Variants in MICAL3 observed in about 807,000 individuals in gnomAD.
MICAL3 encodes the protein [F-actin]-monooxygenase MICAL3.
A neutral mutation model predicts 207.4 loss-of-function variants in MICAL3; 62 were observed. The observed-to-expected ratio is 0.30, with a 90% CI of 0.24 to 0.37. MICAL3 has a LOEUF of 0.37. Among genes scored for constraint, MICAL3 ranks in the 10% least tolerant of loss-of-function variants. The pLI is 1.00. For synonymous variants in MICAL3, 1,077 were observed against 1,069.3 expected (o/e 1.01, Z -0.14); for missense variants, 2,368 against 2,635.6 (o/e 0.90, Z 2.22).
intron 16 of MICAL3, among the ~76,000 whole-genome samples, chr22:17,884,971 C>G (rs1211824273): frequency 1.3e-5 from 2 of 152,228 alleles, no homozygotes; most frequent in African/African-American, 4.8e-5. Context: ...AAGAGAAATT[C>G]AGAGAAGCAG....
chr22:17,864,621 C>G, intron 19 of MICAL3: 1 of 1,556,468 alleles, frequency 6.4e-7, no homozygotes, highest in Non-Finnish European at 8.6e-7. Context: ...AGGGACAGCA[C>G]TTCACGGCTC....
chr22:17,864,554 T>C (rs536464333), intron 19 of MICAL3: 8 of 1,446,292 alleles, frequency 5.5e-6, no homozygotes, highest in Non-Finnish European at 7.2e-6. Context: ...TGCGAGCTCC[T>C]GTCTACCTAC....
At chr22:17,843,466 C>A (rs1309129386) in intron 19 of MICAL3, among the ~76,000 whole-genome samples, 1 of 152,190 alleles carries the variant, frequency 6.6e-6, no homozygotes, top group South Asian at 2.1e-4. Context: ...AGATGCCTGG[C>A]TCCACCAGTA....
intron 19 of MICAL3, chr22:17,863,369 TC>T (rs1346752842): frequency 1.0e-6 from 1 of 985,262 alleles, no homozygotes; most frequent in African/African-American, 1.7e-5. Context: ...TGGTGCTCTC[TC>T]CAACTGAATG....
chr22:17,849,643 A>AGTGTGTGT (rs1569093907), intron 19 of MICAL3, among the ~76,000 whole-genome samples: 2 of 120,162 alleles, frequency 1.7e-5, no homozygotes, highest in African/African-American at 6.5e-5. Context: ...CCCAGAATGG[A>AGTGTGTGT]ATGTGTGTGT....
chr22:17,849,691 T>G (rs1354728194), intron 19 of MICAL3, among the ~76,000 whole-genome samples: 20 of 116,392 alleles, frequency 1.7e-4, no homozygotes, highest in Admixed American at 1.4e-3. Flanking sequence ...TGTGTGTATT[T>G]TTTTTTTTTT....
chr22:17,826,920 T>C (rs974912009), intron 22 of MICAL3, among the ~76,000 whole-genome samples: 2 of 152,202 alleles, frequency 1.3e-5, no homozygotes, highest in African/African-American at 2.4e-5. Flanking sequence ...CCCTTTTGTA[T>C]GCTCAGAGCC....
chr22:18,005,300 T>C lies in MICAL3; in HGVS notation c.-75+18981A>G, dbSNP rs1312268658. The C allele has an allele frequency of 2.0e-5, 3 of 152,102 alleles. No homozygotes were observed. The East Asian group carries it at 5.8e-4, about 29-fold the overall frequency. 9.4% of individuals were successfully genotyped at this position (152,102 alleles called of 1,614,324 possible). ...TAATATCATTTCAGTCTCAAAACAGTCATGTGAGGAGAGTTGGTAGAAGTC... is the reference window on the plus strand; with the variant it reads ...TAATATCATTTCAGTCTCAAAACAGCCATGTGAGGAGAGTTGGTAGAAGTC... On this transcript the variant is annotated intron_variant, in intron 1 of 31. Coordinates refer to ENST00000441493, the MANE Select transcript of MICAL3 (RefSeq NM_015241.3).
chr22:17,947,658 A>C (rs994936213), intron 1 of MICAL3, among the ~76,000 whole-genome samples: 12 of 152,280 alleles, frequency 7.9e-5, no homozygotes, highest in Non-Finnish European at 1.6e-4. Flanking sequence ...TTCTGAGCTC[A>C]AGTGATCCTC....
At chr22:17,976,563 A>ATG (rs1569154092) in intron 1 of MICAL3, among the ~76,000 whole-genome samples, 1 of 85,854 alleles carries the variant, frequency 1.2e-5, no homozygotes, top group Non-Finnish European at 2.0e-5. Flanking sequence ...GTGTGTGTGT[A>ATG]TATATATATA....
rs944175636 is a variant in MICAL3, at chr22:17,788,588, G to A, written c.*2144C>T. 5 of 152,244 alleles carry A rather than the reference G, an allele frequency of 3.3e-5. No homozygotes were observed. The highest frequency in any genetic ancestry group is 7.2e-5 in the African/African-American group (3 of 41,468). 9.4% of individuals were successfully genotyped at this position (152,244 alleles called of 1,614,324 possible). On this transcript the variant is annotated 3_prime_UTR_variant, in exon 32 of 32. Transcript: ENST00000441493. ...TTTCCCACGTCCAATTTTATGGGAC[G>A]ACTGGGGTTTGAAGATGGAATCTAG...
chr22:17,876,792 AGGGAAG>A lies in MICAL3; in HGVS notation c.2242-4775_2242-4770del, dbSNP rs1569109041. On this transcript the variant is annotated intron_variant, in intron 16 of 31. Coordinates refer to ENST00000441493, the MANE Select transcript of MICAL3 (RefSeq NM_015241.3). ...GGAAGTTATGGAGGTTAGGGAGGTT[AGGGAAG>A]TTATGGAGGTTAGGGAGGTTAGGGA... is the stretch of plus-strand genomic sequence containing the variant. 1.8e-4 allele frequency: 24 copies of A among 134,940 alleles called. 3 individuals carry two copies. The highest frequency in any genetic ancestry group is 4.5e-4 in the South Asian group (2 of 4,444). 8.4% of individuals were successfully genotyped at this position (134,940 alleles called of 1,614,324 possible). A position where few individuals can be genotyped will look rare whatever the true frequency, so the allele number is the denominator to read the frequency against.
chr22:17,942,165 C>A (rs1350800095), intron 1 of MICAL3, among the ~76,000 whole-genome samples: 1 of 152,234 alleles, frequency 6.6e-6, no homozygotes, highest in Admixed American at 6.5e-5. Context: ...CACACCGCAA[C>A]ATGGCTAAAG....
At chr22:17,985,365 C>A (rs1920965185) in intron 1 of MICAL3, among the ~76,000 whole-genome samples, 1 of 152,076 alleles carries the variant, frequency 6.6e-6, no homozygotes, top group Non-Finnish European at 1.5e-5. Context: ...GAGAACAGAG[C>A]CCGTAACCTC....
At chr22:17,792,915 G>A (rs765148992) in intron 29 of MICAL3, among the ~76,000 whole-genome samples, 6 of 152,340 alleles carry the variant, frequency 3.9e-5, no homozygotes, top group Non-Finnish European at 8.8e-5. Context: ...CATTGCTTTC[G>A]GAGCGTCTCT....
intron 7 of MICAL3, among the ~76,000 whole-genome samples, chr22:17,897,210 G>A (rs753371101): frequency 4.6e-5 from 7 of 152,026 alleles, no homozygotes; most frequent in Non-Finnish European, 1.0e-4. Context: ...ATCACTTGAG[G>A]ACGTGACTTC....
At chr22:17,848,396 T>C (rs549119512) in intron 19 of MICAL3, among the ~76,000 whole-genome samples, 4 of 152,246 alleles carry the variant, frequency 2.6e-5, no homozygotes, top group Non-Finnish European at 5.9e-5. Context: ...GAAGTGTGGC[T>C]GTTCCGAAAC....
intron 1 of MICAL3, among the ~76,000 whole-genome samples, chr22:17,916,667 G>GA (rs1177832024): frequency 2.0e-5 from 3 of 151,806 alleles, no homozygotes; most frequent in African/African-American, 7.3e-5. Context: ...ACTACCGTCT[G>GA]CCCCCCCACA....
At chr22:17,941,766 TAA>T (rs1160498925) in intron 1 of MICAL3, among the ~76,000 whole-genome samples, 1 of 152,226 alleles carries the variant, frequency 6.6e-6, no homozygotes. Context: ...TGACGAACTT[TAA>T]AACTACACCA....
Sources: gnomAD v4.1 joint callset for allele counts (sites outside exome capture counted in the v4.1 genomes callset) on GRCh38, gnomAD v4.1.1 for gene constraint, MANE v1.5 for transcripts, NCBI Gene and HGNC (gene_info 2026-07-23, HGNC 2026-07-21) for gene names.